The following ANKIB1 variants were observed in gnomAD, a reference collection of about 807,000 sequenced individuals.
ANKIB1 encodes ankyrin repeat and IBR domain-containing protein 1.
ANKIB1 carries 43 observed loss-of-function variants against 122.1 expected under a neutral mutation model. The observed-to-expected ratio is 0.35, with a 90% CI of 0.28 to 0.45. The LOEUF (loss-of-function observed/expected upper bound fraction) is 0.45. Among genes scored for constraint, ANKIB1 ranks in the 20% least tolerant of loss-of-function variants. The pLI, the probability that ANKIB1 is intolerant of heterozygous loss-of-function variation, is 1.00. For missense variants in ANKIB1, 992 were observed against 1,329.5 expected, an observed-to-expected ratio of 0.75 and a Z score of 3.95; for synonymous variants, 390 against 442.0, an observed-to-expected ratio of 0.88 and a Z score of 1.48.
intron 2 of ANKIB1, among the ~76,000 whole-genome samples, chr7:92,305,872 G>C (rs544938829): frequency 1.3e-5 from 2 of 152,174 alleles, no homozygotes; most frequent in African/African-American, 4.8e-5. Context: ...TTTACTGCCC[G>C]TGAGATATGT....
intron 16 of ANKIB1, 61 bp downstream of exon 16, chr7:92,391,405 G>C (rs1562801183): frequency 1.5e-6 from 2 of 1,366,702 alleles, no homozygotes; most frequent in Non-Finnish European, 9.6e-7. Context: ...CAGCAGTTTT[G>C]TTTTTTATCC....
chr7:92,292,147 G>T (rs1802263051), intron 1 of ANKIB1, among the ~76,000 whole-genome samples: 1 of 152,164 alleles, frequency 6.6e-6, no homozygotes, highest in South Asian at 2.1e-4. Context: ...AAAGTAAAAG[G>T]ATACATGTGG....
At chr7:92,352,749 ATTC>A (rs903339802) in intron 9 of ANKIB1, 107 bp downstream of exon 9, 369 of 1,128,212 alleles carry the variant, frequency 3.3e-4, no homozygotes, top group Non-Finnish European at 4.4e-4. Context: ...ACTTGATAGT[ATTC>A]TTCTTAATTT....
intron 9 of ANKIB1, among the ~76,000 whole-genome samples, chr7:92,358,166 G>A (rs533835857): frequency 4.6e-5 from 7 of 151,980 alleles, no homozygotes; most frequent in East Asian, 2.0e-4. Flanking sequence ...CACTTGAACC[G>A]AGGAGGCGGA....
intron 10 of ANKIB1, among the ~76,000 whole-genome samples, chr7:92,368,017 A>G (rs1407168608): frequency 1.3e-5 from 2 of 152,108 alleles, no homozygotes. Context: ...TTAGCTAGGC[A>G]TTGTGGCACA....
In ANKIB1 at chr7:92,355,454, G is replaced by A. The variant is rs187832216; in HGVS notation, c.1397+2812G>A. Reference sequence around the variant, plus strand: ...ACTCTGGTCCCTTTTAATCACCAGTGTGAATTGAAAACTGAAAACCTTATT... The same window carrying A: ...ACTCTGGTCCCTTTTAATCACCAGTATGAATTGAAAACTGAAAACCTTATT... On this transcript the variant is annotated intron_variant, in intron 9 of 19. Coordinates refer to ENST00000265742, the MANE Select transcript of ANKIB1 (RefSeq NM_019004.2). Among the ~76,000 whole-genome samples, 1,091 of 152,266 alleles carry A rather than the reference G, an allele frequency of 7.2e-3. 11 individuals are homozygous for A. Among genetic ancestry groups the A allele is most frequent in the African/African-American group, 0.025 (1,039 of 41,550 alleles).
intron 3 of ANKIB1, 33 bp downstream of exon 3, chr7:92,307,689 G>A: frequency 7.3e-7 from 1 of 1,372,510 alleles, no homozygotes; most frequent in Non-Finnish European, 9.4e-7. Flanking sequence ...ATTCTGCATT[G>A]TAAAATTTGT....
chr7:92,276,237 A>G (rs1280514566), intron 1 of ANKIB1, among the ~76,000 whole-genome samples: 2 of 152,244 alleles, frequency 1.3e-5, no homozygotes, highest in Admixed American at 1.3e-4. Flanking sequence ...ATTATTCTAC[A>G]GAACAATTGT....
At chr7:92,290,105 C>T (rs888458028) in intron 1 of ANKIB1, among the ~76,000 whole-genome samples, 5 of 152,254 alleles carry the variant, frequency 3.3e-5, no homozygotes, top group African/African-American at 1.2e-4. Context: ...GCGTAAGCCA[C>T]TGTGCCCAGC....
intron 4 of ANKIB1, among the ~76,000 whole-genome samples, chr7:92,325,023 G>C (rs1219460488): frequency 6.6e-6 from 1 of 152,152 alleles, no homozygotes; most frequent in Non-Finnish European, 1.5e-5. Context: ...TCTTAAATGA[G>C]GTATTTATGT....
At chr7:92,375,443 A>G (rs539315397) in intron 11 of ANKIB1, among the ~76,000 whole-genome samples, 37 of 152,344 alleles carry the variant, frequency 2.4e-4, no homozygotes, top group African/African-American at 7.0e-4. Context: ...CATTTCAACA[A>G]TGTTTACAGA....
chr7:92,281,941 G>A lies in ANKIB1; in HGVS notation c.-90-12948G>A, dbSNP rs182519580. On this transcript the variant is annotated intron_variant, in intron 1 of 19. Transcript: ENST00000265742. ...TAGAGAGAAATCAGTTCCCCAAAGT[G>A]TAAACATAGAATTCACTTTTTAAAA... Among the ~76,000 whole-genome samples, 675 of 152,258 alleles carry A rather than the reference G, an allele frequency of 4.4e-3. 7 individuals carry two copies. The highest frequency in any genetic ancestry group is 7.8e-3 in the Non-Finnish European group (528 of 68,022).
chr7:92,270,728 G>GTTTTTT (rs397889266), intron 1 of ANKIB1, among the ~76,000 whole-genome samples: 21 of 81,998 alleles, frequency 2.6e-4, no homozygotes, highest in Non-Finnish European at 3.7e-4. Flanking sequence ...CATCGCTATA[G>GTTTTTT]TTTTTTTTTT....
At chr7:92,299,041 T>G (rs943281779) in intron 2 of ANKIB1, among the ~76,000 whole-genome samples, 2 of 152,252 alleles carry the variant, frequency 1.3e-5, no homozygotes, top group Non-Finnish European at 2.9e-5. Flanking sequence ...AAACAATGGT[T>G]GTTTAGACTT....
chr7:92,249,185 G>A (rs936163095), intron 1 of ANKIB1, among the ~76,000 whole-genome samples: 7 of 152,162 alleles, frequency 4.6e-5, no homozygotes. Flanking sequence ...ACTGCGCCTG[G>A]CCTTCCAGAT....
intron 11 of ANKIB1, among the ~76,000 whole-genome samples, chr7:92,377,289 G>A (rs543063565): frequency 2.0e-5 from 3 of 152,184 alleles, no homozygotes; most frequent in Admixed American, 1.3e-4. Context: ...AGAGACAGGA[G>A]AATGACTAGT....
Position 92,391,096 on chromosome 7 carries a change from A to G in ANKIB1, c.2053-70A>G, listed in dbSNP as rs1474474831. 6 of 1,359,226 alleles carry G rather than the reference A, an allele frequency of 4.4e-6. No homozygotes were observed. In the Admixed American group the frequency reaches 7.1e-5, roughly 16 times the overall value. 84.2% of individuals were successfully genotyped at this position (1,359,226 alleles called of 1,614,324 possible). On this transcript the variant is annotated intron_variant, in intron 15 of 19. Coordinates refer to ENST00000265742, the MANE Select transcript of ANKIB1 (RefSeq NM_019004.2). ...GAGTTAGATTTAACTGAGAAACCAC[A>G]TAGACCCTGGATTTGCTATTGATTA...
At chr7:92,338,927 A>T (rs868751501) in intron 5 of ANKIB1, among the ~76,000 whole-genome samples, 4 of 47,592 alleles carry the variant, frequency 8.4e-5, no homozygotes, top group African/African-American at 3.0e-4. Flanking sequence ...AAAAAAAAAA[A>T]AAAAAAATAT....
intron 3 of ANKIB1, among the ~76,000 whole-genome samples, chr7:92,317,843 C>G (rs924074003): frequency 2.0e-5 from 3 of 152,122 alleles, no homozygotes; most frequent in Admixed American, 2.0e-4. Context: ...AAAGAAGCTA[C>G]CATTTTGATC....
Sources: gnomAD v4.1 joint callset for allele counts (sites outside exome capture counted in the v4.1 genomes callset) on GRCh38, gnomAD v4.1.1 for gene constraint, MANE v1.5 for transcripts, NCBI Gene and HGNC (gene_info 2026-07-23, HGNC 2026-07-21) for gene names.